The following HMGB1 variants were observed in gnomAD, a reference collection of about 807,000 sequenced individuals.
HMGB1 encodes the protein high mobility group box 1.
For synonymous variants in HMGB1, 81 were observed against 84.0 expected, an observed-to-expected ratio of 0.96 and a Z score of 0.19; for missense variants, 79 against 253.5, an observed-to-expected ratio of 0.31 and a Z score of 4.67.
chr13:30,474,833 ACT>A (rs1440730295), intron 1 of HMGB1, among the ~76,000 whole-genome samples: 3 of 87,444 alleles, frequency 3.4e-5, no homozygotes, highest in East Asian at 3.6e-4. Context: ...CAACCTTGGC[ACT>A]CTCTCTCTCT....
chr13:30,465,364 G>A (rs1444224966), intron 1 of HMGB1: 4 of 138,732 alleles, frequency 2.9e-5, no homozygotes, highest in Non-Finnish European at 6.4e-5. Context: ...ATGCAGCCCG[G>A]GGAAGCGCCG....
intron 2 of HMGB1, 76 bp from the exon 3 acceptor site, chr13:30,463,428 G>A (rs1886484475): frequency 2.0e-6 from 3 of 1,513,134 alleles, no homozygotes; most frequent in African/African-American, 2.8e-5. Flanking sequence ...CTTTTGCTAT[G>A]TAATAGCGTC....
chr13:30,596,420 C>T (rs1871612860), intron 1 of HMGB1, among the ~76,000 whole-genome samples: 1 of 152,056 alleles, frequency 6.6e-6, no homozygotes, highest in Non-Finnish European at 1.5e-5. Context: ...ATCAGATGCT[C>T]CAAATGCAAA....
rs1349051817 is a variant in HMGB1 at position 30,465,047 on chromosome 13, AAAAG to A, written c.-15+745_-15+748del. Reference sequence around the variant, plus strand: ...CCCGCACGGAGAACGCGGGGCTGTGAAAAGAGAGAGGAAAAAAAAAGTTGCCTCG... The same window carrying A: ...CCCGCACGGAGAACGCGGGGCTGTGAAGAGAGGAAAAAAAAAGTTGCCTCG... On this transcript the variant is annotated intron_variant, in intron 1 of 4. Coordinates refer to ENST00000341423, the MANE Select transcript of HMGB1 (RefSeq NM_002128.7). 26 of 536,000 alleles carry A rather than the reference AAAAG, an allele frequency of 4.9e-5. No homozygotes were observed. In the East Asian group the frequency reaches 6.9e-4, roughly 14 times the overall value. 33.2% of individuals were successfully genotyped at this position (536,000 alleles called of 1,614,324 possible). A position where few individuals can be genotyped will look rare whatever the true frequency, so the allele number is the denominator to read the frequency against.
At chr13:30,611,770 G>C (rs564027585) in intron 1 of HMGB1, among the ~76,000 whole-genome samples, 1 of 151,228 alleles carries the variant, frequency 6.6e-6, no homozygotes, top group Admixed American at 6.6e-5. Flanking sequence ...TTAAATACAA[G>C]CTTTTTGGCT....
intron 1 of HMGB1, among the ~76,000 whole-genome samples, chr13:30,611,548 C>G (rs1239437243): frequency 2.0e-5 from 3 of 152,172 alleles, no homozygotes; most frequent in African/African-American, 7.2e-5. Context: ...TAAAAATTCA[C>G]CTTTGTGAGG....
intron 1 of HMGB1, among the ~76,000 whole-genome samples, chr13:30,608,786 C>T (rs527903721): frequency 6.6e-6 from 1 of 152,302 alleles, no homozygotes; most frequent in African/African-American, 2.4e-5. Flanking sequence ...CAACTTTTTT[C>T]AGTAAACTTA....
intron 1 of HMGB1, among the ~76,000 whole-genome samples, chr13:30,583,839 A>AAG (rs1871021337): frequency 7.3e-6 from 1 of 137,716 alleles, no homozygotes; most frequent in South Asian, 2.3e-4. Context: ...AAAAAAAAAA[A>AAG]AAAGAAAGAA....
At chr13:30,502,255 T>G (rs540853272) in intron 1 of HMGB1, among the ~76,000 whole-genome samples, 2 of 152,366 alleles carry the variant, frequency 1.3e-5, no homozygotes. Context: ...TTATTGAGCC[T>G]CTGCTACGTG....
exon 1 of HMGB1, chr13:30,617,047 C>G (rs966338093): frequency 6.6e-6 from 1 of 152,228 alleles, no homozygotes; most frequent in Non-Finnish European, 1.5e-5. Context: ...GCCACATGAC[C>G]TTCCTACGAA....
intron 1 of HMGB1, among the ~76,000 whole-genome samples, chr13:30,606,600 A>G (rs1950461023): frequency 6.6e-6 from 1 of 152,252 alleles, no homozygotes; most frequent in Admixed American, 6.5e-5. Context: ...ATGACTGGAA[A>G]TTATGACATC....
At chr13:30,477,364 C>G (rs1185490339) in intron 1 of HMGB1, among the ~76,000 whole-genome samples, 2 of 152,066 alleles carry the variant, frequency 1.3e-5, no homozygotes, top group African/African-American at 4.8e-5. Flanking sequence ...ATTAGAGCAA[C>G]AGTAAAGAAG....
chr13:30,551,354 G>A (rs1399227502), intron 1 of HMGB1, among the ~76,000 whole-genome samples: 2 of 152,216 alleles, frequency 1.3e-5, no homozygotes, highest in Non-Finnish European at 2.9e-5. Flanking sequence ...AACTCACTGA[G>A]TATAGGGGAT....
chr13:30,490,692 A>G (rs1485334281), intron 1 of HMGB1, among the ~76,000 whole-genome samples: 1 of 151,746 alleles, frequency 6.6e-6, no homozygotes, highest in Non-Finnish European at 1.5e-5. Flanking sequence ...CTGTGGTGGG[A>G]GGATCGCTTA....
intron 1 of HMGB1, chr13:30,554,449 G>A (rs1236087452): frequency 1.1e-6 from 1 of 937,274 alleles, no homozygotes; most frequent in Non-Finnish European, 1.8e-6. Context: ...GTCTTATTCA[G>A]ACCCCAGATC....
intron 1 of HMGB1, among the ~76,000 whole-genome samples, chr13:30,606,106 TA>T (rs1318253845): frequency 6.6e-6 from 1 of 152,256 alleles, no homozygotes; most frequent in Non-Finnish European, 1.5e-5. Flanking sequence ...TGGTCTCTAT[TA>T]ATAATGATGA....
At chr13:30,584,886 G>A (rs1274034488) in intron 1 of HMGB1, among the ~76,000 whole-genome samples, 1 of 152,024 alleles carries the variant, frequency 6.6e-6, no homozygotes, top group Non-Finnish European at 1.5e-5. Flanking sequence ...AGTGGTTCAC[G>A]CCTGTAATCC....
At chr13:30,590,029 T>G (rs1441889831) in intron 1 of HMGB1, among the ~76,000 whole-genome samples, 1 of 152,156 alleles carries the variant, frequency 6.6e-6, no homozygotes, top group Non-Finnish European at 1.5e-5. Flanking sequence ...GAGACCACCC[T>G]AAGTAATCAG....
intron 1 of HMGB1, among the ~76,000 whole-genome samples, chr13:30,567,054 T>C (rs1200889717): frequency 6.6e-6 from 1 of 152,208 alleles, no homozygotes; most frequent in South Asian, 2.1e-4. Context: ...TATCCTAAAG[T>C]CACAGTTCTC....
Sources: allele counts gnomAD v4.1 joint callset (sites outside exome capture counted in the v4.1 genomes callset), GRCh38; gene constraint gnomAD v4.1.1; transcripts MANE v1.5; gene names NCBI Gene and HGNC (gene_info 2026-07-23, HGNC 2026-07-21).